LHCGR: variants seen among roughly 807,000 people sequenced by gnomAD.
LHCGR encodes luteinizing hormone/choriogonadotropin receptor, also known as lutropin-choriogonadotropic hormone receptor.
In LHCGR, 55 loss-of-function variants were observed where a neutral mutation model predicts 60.7. The observed-to-expected ratio is 0.91, with a 90% CI of 0.73 to 1.13. LHCGR has a LOEUF of 1.13. Among genes scored for constraint, LHCGR ranks in the 50% most tolerant of loss-of-function variants. LHCGR has a pLI of 0.00. For synonymous variants in LHCGR, 337 were observed against 316.5 expected (o/e 1.06, Z -0.69); for missense variants, 862 against 836.0 (o/e 1.03, Z -0.38).
At chr2:48,696,625 C>A (rs929742195) in intron 9 of LHCGR, among the ~76,000 whole-genome samples, 1 of 152,090 alleles carries the variant, frequency 6.6e-6, no homozygotes, top group African/African-American at 2.4e-5. Context: ...TCCTCCCTGC[C>A]CCCGCCAAGA....
chr2:48,713,014 C>G (rs1016214647), intron 7 of LHCGR, among the ~76,000 whole-genome samples: 7 of 152,142 alleles, frequency 4.6e-5, no homozygotes, highest in Admixed American at 4.6e-4. Context: ...CAACATTAGA[C>G]TGTGCTACCC....
intron 1 of LHCGR, among the ~76,000 whole-genome samples, chr2:48,736,925 C>A (rs181897019): frequency 8.5e-5 from 13 of 152,232 alleles, no homozygotes; most frequent in African/African-American, 3.1e-4. Flanking sequence ...ACAGGTATTG[C>A]ATAAAGCAAA....
rs772574574 is a variant in LHCGR, at chr2:48,731,267, G to A, written c.193C>T (p.Pro65Ser). Residue 65 changes from proline to serine, a missense_variant, in exon 2 of 11, where the codon CCA (proline) becomes TCA (serine). Transcript: ENST00000294954. ...SLAYLPVKVI[P>S]SQAFRGLNEV... ...TTAAGTCCTCTGAAAGCTTGAGATG[G>A]GATCACTTTGACAGGGAGGTAGGCA... 6 of 1,611,798 alleles carry A rather than the reference G, an allele frequency of 3.7e-6. No homozygotes were observed. The highest frequency in any genetic ancestry group is 2.2e-5 in the East Asian group (1 of 44,852).
chr2:48,735,406 T>G (rs1669167990), intron 1 of LHCGR, among the ~76,000 whole-genome samples: 1 of 152,224 alleles, frequency 6.6e-6, no homozygotes, highest in African/African-American at 2.4e-5. Context: ...TTTGTTTTTG[T>G]CTCGATTTCT....
At chr2:48,698,548 T>C (rs1667236456) in intron 9 of LHCGR, 67 bp downstream of exon 9, 8 of 1,324,166 alleles carry the variant, frequency 6.0e-6, no homozygotes, top group South Asian at 2.4e-5. Context: ...TGTCTACTCA[T>C]TGACTATTTT....
chr2:48,755,497 C>T lies in LHCGR; in HGVS notation c.161+14G>A, dbSNP rs1435175534. On this transcript the variant is annotated intron_variant, in intron 1 of 10. Transcript: ENST00000294954. ...TGCATCAAGGGCGCCGCGACGGGAG[C>T]GCTGTGTACTCACAGTCGAGTGAGA... The T allele has an allele frequency of 2.0e-6, 3 of 1,511,198 alleles. No homozygotes were observed. The highest frequency in any genetic ancestry group is 1.2e-5 in the South Asian group (1 of 82,658). 93.6% of individuals were successfully genotyped at this position (1,511,198 alleles called of 1,614,324 possible). A position where few individuals can be genotyped will look rare whatever the true frequency, so the allele number is the denominator to read the frequency against.
intron 6 of LHCGR, chr2:48,721,719 G>A (rs1238831446): frequency 2.1e-6 from 1 of 471,008 alleles, no homozygotes; most frequent in African/African-American, 2.0e-5. Flanking sequence ...TCCAATCCAT[G>A]TTTTCTCTTT....
At chr2:48,713,467 G>C (rs746051490) in intron 7 of LHCGR, among the ~76,000 whole-genome samples, 1 of 152,108 alleles carries the variant, frequency 6.6e-6, no homozygotes, top group Non-Finnish European at 1.5e-5. Context: ...TGAGTTAAAG[G>C]CTGTTAACAT....
chr2:48,730,849 A>G (rs1668955427), intron 2 of LHCGR, among the ~76,000 whole-genome samples: 1 of 152,230 alleles, frequency 6.6e-6, no homozygotes, highest in Admixed American at 6.5e-5. Context: ...CTGATGCACA[A>G]TAAATTTCCA....
At chr2:48,724,557 A>G (rs1376107133) in intron 4 of LHCGR, among the ~76,000 whole-genome samples, 1 of 152,102 alleles carries the variant, frequency 6.6e-6, no homozygotes, top group Non-Finnish European at 1.5e-5. Flanking sequence ...AGCTGGGGAT[A>G]GCAGTGTGGG....
rs568148296 is a variant in LHCGR, at chr2:48,729,153, A to T, written c.308T>A (p.Ile103Lys). The change falls in exon 3 of 11, where the codon ATA becomes AAA. Residue 103 changes from isoleucine to lysine, a missense_variant and splice_region_variant. Physicochemically the swap from Ile to Lys is moderately radical, Grantham distance 102. Transcript: ENST00000294954. ...AAACTGTCTGTTAGCTGATGCTTAC[A>T]TTTCAGACAAATTGAGGAGGTTGTC... The part of the protein sequence containing the change: ...AFDNLLNLSE[I>K]LIQNTKNLRY... 1 of 1,608,368 alleles carries T rather than the reference A, an allele frequency of 6.2e-7. No homozygotes were observed. Among genetic ancestry groups the T allele is most frequent in the East Asian group, 2.2e-5 (1 of 44,864 alleles).
chr2:48,693,785 C>G (rs907520717), intron 10 of LHCGR, among the ~76,000 whole-genome samples: 1 of 152,204 alleles, frequency 6.6e-6, no homozygotes, highest in African/African-American at 2.4e-5. Context: ...ATTTTAAGCT[C>G]AGGAGCATAG....
intron 1 of LHCGR, among the ~76,000 whole-genome samples, chr2:48,741,739 G>A (rs1207040594): frequency 1.3e-5 from 2 of 151,468 alleles, no homozygotes; most frequent in Non-Finnish European, 2.9e-5. Flanking sequence ...GCAAAATCAT[G>A]CCAAAATGTA....
chr2:48,694,365 G>A (rs1239873349), intron 9 of LHCGR, 61 bp from the exon 10 acceptor site: 6 of 984,400 alleles, frequency 6.1e-6, no homozygotes, highest in Non-Finnish European at 9.6e-6. Context: ...AAACCTGACT[G>A]TGCGTCTATT....
intron 1 of LHCGR, among the ~76,000 whole-genome samples, chr2:48,733,451 A>C (rs1167548762): frequency 6.6e-6 from 1 of 152,230 alleles, no homozygotes; most frequent in Non-Finnish European, 1.5e-5. Flanking sequence ...ATGCAATGGC[A>C]GTCTCCAGTG....
chr2:48,706,915 G>A (rs951650280), intron 8 of LHCGR, among the ~76,000 whole-genome samples: 11 of 152,094 alleles, frequency 7.2e-5, no homozygotes, highest in Non-Finnish European at 1.0e-4. Context: ...CTCATTCTCC[G>A]ACCAGTTTTG....
At chr2:48,728,793 C>T (rs1010765196) in intron 3 of LHCGR, among the ~76,000 whole-genome samples, 3 of 152,102 alleles carry the variant, frequency 2.0e-5, no homozygotes, top group African/African-American at 4.8e-5. Context: ...CCAAAACAGC[C>T]CCCAATGAAC....
intron 1 of LHCGR, among the ~76,000 whole-genome samples, chr2:48,750,082 G>A (rs1669893789): frequency 6.6e-6 from 1 of 152,182 alleles, no homozygotes; most frequent in Non-Finnish European, 1.5e-5. Context: ...GGTTGTGGTG[G>A]TGGTGAGGGT....
chr2:48,707,231 G>A (rs976774972), intron 8 of LHCGR, among the ~76,000 whole-genome samples: 7 of 152,230 alleles, frequency 4.6e-5, no homozygotes, highest in African/African-American at 1.4e-4. Flanking sequence ...GAGGCTGCAG[G>A]ACAGCAAGTA....
Sources: gnomAD v4.1 joint callset for allele counts (sites outside exome capture counted in the v4.1 genomes callset) on GRCh38, gnomAD v4.1.1 for gene constraint, MANE v1.5 for transcripts, NCBI Gene and HGNC (gene_info 2026-07-23, HGNC 2026-07-21) for gene names.